Variants in ADGRB3 observed in about 807,000 individuals in gnomAD.
ADGRB3 encodes adhesion G protein-coupled receptor B3.
ADGRB3 carries 37 observed loss-of-function variants against 193.4 expected under a neutral mutation model. That is an observed-to-expected ratio of 0.19 (90% CI 0.15 to 0.25). ADGRB3 has a LOEUF of 0.25. Among genes scored for constraint, ADGRB3 ranks in the 10% least tolerant of loss-of-function variants. The pLI, the probability that ADGRB3 is intolerant of heterozygous loss-of-function variation, is 1.00. For missense variants in ADGRB3, 1,637 were observed against 1,852.9 expected (o/e 0.88, Z 2.14); for synonymous variants, 690 against 644.2 (o/e 1.07, Z -1.08).
chr6:68,915,381 C>T (rs1462669358), intron 3 of ADGRB3, among the ~76,000 whole-genome samples: 1 of 151,994 alleles, frequency 6.6e-6, no homozygotes. Flanking sequence ...AGACCCAGAG[C>T]TGTTAAAAAT....
At position 69,266,406 on chromosome 6, in the gene ADGRB3, A is replaced by G. The variant is rs529382716; in HGVS notation, c.2814+27180A>G. Among the ~76,000 whole-genome samples, 40 of 152,104 alleles carry G rather than the reference A, an allele frequency of 2.6e-4. No homozygotes were observed. The South Asian group carries it at 7.3e-3, about 28-fold the overall frequency. ...ATAGCCTCAAGTCTCTTGAAGCTTCAGTTAGATATGGATAGAAAATACCCC... is the reference window on the plus strand; with the variant it reads ...ATAGCCTCAAGTCTCTTGAAGCTTCGGTTAGATATGGATAGAAAATACCCC... On this transcript the variant is annotated intron_variant, in intron 20 of 31. Coordinates refer to ENST00000370598, the MANE Select transcript of ADGRB3 (RefSeq NM_001704.3).
At chr6:69,093,555 CA>C (rs1772777440) in intron 17 of ADGRB3, among the ~76,000 whole-genome samples, 2 of 149,614 alleles carry the variant, frequency 1.3e-5, no homozygotes, top group African/African-American at 4.9e-5. Context: ...AGCTTAGGTT[CA>C]GGGGGAGAGG....
At chr6:68,813,424 C>G (rs1206019963) in intron 3 of ADGRB3, among the ~76,000 whole-genome samples, 7 of 152,052 alleles carry the variant, frequency 4.6e-5, no homozygotes, top group Admixed American at 4.6e-4. Context: ...TAGCTAAATA[C>G]GTTAATAGTA....
At chr6:68,933,796 T>A (rs1370099458) in intron 4 of ADGRB3, among the ~76,000 whole-genome samples, 1 of 152,182 alleles carries the variant, frequency 6.6e-6, no homozygotes, top group Admixed American at 6.6e-5. Flanking sequence ...AAAATGACTT[T>A]CTCAAGGTCA....
chr6:69,061,010 A>G (rs1771732276), intron 15 of ADGRB3, among the ~76,000 whole-genome samples: 1 of 151,724 alleles, frequency 6.6e-6, no homozygotes, highest in South Asian at 2.1e-4. Flanking sequence ...TGACATTTAG[A>G]GCTTAGTTTT....
At chr6:69,050,234 A>G (rs1771354437) in intron 15 of ADGRB3, among the ~76,000 whole-genome samples, 1 of 150,590 alleles carries the variant, frequency 6.6e-6, no homozygotes, top group Non-Finnish European at 1.5e-5. Flanking sequence ...ATGAAAAAAA[A>G]ATCACCCAAG....
chr6:68,994,096 C>A, intron 11 of ADGRB3, 134 bp downstream of exon 11: 2 of 846,664 alleles, frequency 2.4e-6, no homozygotes, highest in Non-Finnish European at 3.6e-6. Flanking sequence ...TTAGTGTGAG[C>A]TCTGGAAATG....
chr6:68,677,996 C>T (rs1176321875), intron 3 of ADGRB3, among the ~76,000 whole-genome samples: 3 of 152,048 alleles, frequency 2.0e-5, no homozygotes, highest in Non-Finnish European at 4.4e-5. Flanking sequence ...AAATAACCAT[C>T]TTGATAATCC....
chr6:69,299,767 A>T (rs1767910244), intron 20 of ADGRB3, among the ~76,000 whole-genome samples: 1 of 151,716 alleles, frequency 6.6e-6, no homozygotes, highest in African/African-American at 2.4e-5. Context: ...CAGTACTATG[A>T]TATTTTGGTT....
chr6:68,756,195 T>C (rs1053208485), intron 3 of ADGRB3, among the ~76,000 whole-genome samples: 1 of 152,172 alleles, frequency 6.6e-6, no homozygotes, highest in Non-Finnish European at 1.5e-5. Flanking sequence ...GAGACGGCTG[T>C]ATATAACTTC....
At chr6:68,847,450 T>C (rs1347765193) in intron 3 of ADGRB3, among the ~76,000 whole-genome samples, 2 of 152,288 alleles carry the variant, frequency 1.3e-5, no homozygotes, top group East Asian at 3.9e-4. Flanking sequence ...AATTCCCACA[T>C]GTTGTGGATG....
intron 3 of ADGRB3, among the ~76,000 whole-genome samples, chr6:68,662,096 A>G (rs138471281): frequency 6.6e-6 from 1 of 151,580 alleles, no homozygotes; most frequent in East Asian, 2.0e-4. Context: ...TATGGTGCAG[A>G]AATGATGAGT....
At chr6:68,780,618 C>G (rs562815319) in intron 3 of ADGRB3, among the ~76,000 whole-genome samples, 1 of 152,168 alleles carries the variant, frequency 6.6e-6, no homozygotes, top group Admixed American at 6.6e-5. Context: ...CGTAGACAGT[C>G]CTTACGAGGC....
chr6:69,184,096 A>T (rs1335483390), intron 17 of ADGRB3, among the ~76,000 whole-genome samples: 1 of 152,152 alleles, frequency 6.6e-6, no homozygotes, highest in African/African-American at 2.4e-5. Context: ...TGGCCATGAC[A>T]TTTTATGTTT....
chr6:69,031,800 A>G (rs1398056990), intron 13 of ADGRB3, among the ~76,000 whole-genome samples: 1 of 151,424 alleles, frequency 6.6e-6, no homozygotes, highest in Non-Finnish European at 1.5e-5. Flanking sequence ...ACGCCAGGCT[A>G]ATTTTGGTAT....
At chr6:68,867,205 G>C (rs756554712) in intron 3 of ADGRB3, among the ~76,000 whole-genome samples, 2 of 152,142 alleles carry the variant, frequency 1.3e-5, no homozygotes, top group Admixed American at 6.5e-5. Context: ...GTCCCAGGGT[G>C]CTGCTTCTCT....
chr6:68,989,565 C>T (rs534885095), intron 10 of ADGRB3, among the ~76,000 whole-genome samples: 10 of 152,236 alleles, frequency 6.6e-5, no homozygotes, highest in African/African-American at 2.4e-4. Context: ...TGAATGTCCA[C>T]TTTTAACCTC....
chr6:69,009,818 G>A (rs1365633215), intron 11 of ADGRB3, among the ~76,000 whole-genome samples: 1 of 152,088 alleles, frequency 6.6e-6, no homozygotes, highest in Admixed American at 6.6e-5. Flanking sequence ...TTAAGATGGA[G>A]GAGAGCACAT....
chr6:68,975,948 G>T (rs1768735301), intron 10 of ADGRB3, among the ~76,000 whole-genome samples: 1 of 152,094 alleles, frequency 6.6e-6, no homozygotes, highest in Non-Finnish European at 1.5e-5. Context: ...CATTTTGCTT[G>T]GTATTTTACA....
Sources: gnomAD v4.1 joint callset for allele counts (sites outside exome capture counted in the v4.1 genomes callset) on GRCh38, gnomAD v4.1.1 for gene constraint, MANE v1.5 for transcripts, NCBI Gene and HGNC (gene_info 2026-07-23, HGNC 2026-07-21) for gene names.